CNTNAP2: variants seen among roughly 807,000 people sequenced by gnomAD.
CNTNAP2 encodes the protein contactin associated protein 2.
Under a neutral mutation model 155.2 loss-of-function variants are expected in CNTNAP2, and 98 were observed. The observed-to-expected ratio is 0.63, with a 90% CI of 0.54 to 0.75. The LOEUF (loss-of-function observed/expected upper bound fraction) is 0.75. Ranked by LOEUF, CNTNAP2 falls within the 30% of genes least tolerant of loss-of-function variation. The probability of loss-of-function intolerance (pLI) is 0.00; values close to 1 mark genes in which losing one functional copy is unlikely to be tolerated. For missense variants in CNTNAP2, 1,727 were observed against 1,688.1 expected (o/e 1.02, Z -0.40); for synonymous variants, 651 against 631.2 (o/e 1.03, Z -0.47).
At chr7:148,310,610 C>T (rs1032260769) in intron 21 of CNTNAP2, among the ~76,000 whole-genome samples, 4 of 152,060 alleles carry the variant, frequency 2.6e-5, no homozygotes, top group African/African-American at 9.7e-5. Context: ...GGGAGCTCTT[C>T]GGTCCTATTT....
At chr7:147,401,905 T>G (rs1796920555) in intron 10 of CNTNAP2, among the ~76,000 whole-genome samples, 1 of 152,058 alleles carries the variant, frequency 6.6e-6, no homozygotes, top group African/African-American at 2.4e-5. Flanking sequence ...AATTATCCAG[T>G]CTCAAGCAGT....
intron 3 of CNTNAP2, among the ~76,000 whole-genome samples, chr7:146,992,585 G>T (rs1315209822): frequency 6.6e-6 from 1 of 152,050 alleles, no homozygotes; most frequent in African/African-American, 2.4e-5. Context: ...CCTGCCCCCT[G>T]CAAATGGAAA....
chr7:147,473,991 A>G (rs1392574867), intron 10 of CNTNAP2, among the ~76,000 whole-genome samples: 1 of 152,134 alleles, frequency 6.6e-6, no homozygotes, highest in East Asian at 1.9e-4. Context: ...AGGCAGGAGA[A>G]TTACTTGAAC....
At chr7:147,815,059 G>T (rs1353902292) in intron 13 of CNTNAP2, among the ~76,000 whole-genome samples, 1 of 152,112 alleles carries the variant, frequency 6.6e-6, no homozygotes, top group African/African-American at 2.4e-5. Flanking sequence ...TATACACTGT[G>T]ATAACTCAGA....
At chr7:146,835,362 C>G (rs1435552517) in intron 2 of CNTNAP2, among the ~76,000 whole-genome samples, 2 of 152,110 alleles carry the variant, frequency 1.3e-5, no homozygotes, top group Non-Finnish European at 2.9e-5. Context: ...CTCAATCACT[C>G]TGTTGCTTTT....
chr7:148,380,081 ACGT>A lies in CNTNAP2; in HGVS notation c.3476-3567_3476-3565del, dbSNP rs1339746433. Among the ~76,000 whole-genome samples the A allele has an allele frequency of 6.1e-4, 93 of 152,342 alleles. 1 individual carries two copies. The highest frequency in any genetic ancestry group is 2.2e-3 in the African/African-American group (90 of 41,564). ...ATATCGTTATGAATATAAGACATTA[ACGT>A]ACTGATTGCCACTTGAGAATCTCAT... On this transcript the variant is annotated intron_variant, in intron 21 of 23. Coordinates refer to ENST00000361727, the MANE Select transcript of CNTNAP2 (RefSeq NM_014141.6).
chr7:146,233,177 T>A (rs1799414935), intron 1 of CNTNAP2, among the ~76,000 whole-genome samples: 1 of 151,504 alleles, frequency 6.6e-6, no homozygotes, highest in Non-Finnish European at 1.5e-5. Context: ...AAAAAAGTGT[T>A]TTTTTTTATT....
At chr7:146,928,242 T>C (rs2129221929) in intron 3 of CNTNAP2, among the ~76,000 whole-genome samples, 1 of 152,262 alleles carries the variant, frequency 6.6e-6, no homozygotes, top group East Asian at 1.9e-4. Context: ...ACCATAAATT[T>C]TGCAATAAAA....
intron 1 of CNTNAP2, among the ~76,000 whole-genome samples, chr7:146,754,610 C>T (rs1267275439): frequency 7.9e-5 from 12 of 151,030 alleles, no homozygotes; most frequent in Non-Finnish European, 1.8e-4. Context: ...AATAATAATA[C>T]TGACCTTGAC....
chr7:147,376,626 C>T (rs1796438636), intron 9 of CNTNAP2, among the ~76,000 whole-genome samples: 1 of 151,876 alleles, frequency 6.6e-6, no homozygotes, highest in Non-Finnish European at 1.5e-5. Flanking sequence ...GTTCTCTGTG[C>T]TTCAGAGTGT....
chr7:147,767,294 T>C (rs1290785227), intron 13 of CNTNAP2, among the ~76,000 whole-genome samples: 1 of 151,998 alleles, frequency 6.6e-6, no homozygotes, highest in Admixed American at 6.6e-5. Context: ...CAAACGCTTC[T>C]CAGACTTGCA....
At chr7:147,845,001 A>G (rs1798804032) in intron 13 of CNTNAP2, among the ~76,000 whole-genome samples, 3 of 136,180 alleles carry the variant, frequency 2.2e-5, no homozygotes, top group Non-Finnish European at 4.8e-5. Flanking sequence ...GTTTGCCAGT[A>G]TTTTATTGAG....
At chr7:147,156,115 G>A (rs1252094503) in intron 8 of CNTNAP2, among the ~76,000 whole-genome samples, 1 of 152,114 alleles carries the variant, frequency 6.6e-6, no homozygotes, top group African/African-American at 2.4e-5. Context: ...TGCAGAGCCA[G>A]CTGGTAAAGG....
intron 15 of CNTNAP2, among the ~76,000 whole-genome samples, chr7:148,101,290 A>G (rs533863096): frequency 6.7e-6 from 1 of 148,200 alleles, no homozygotes; most frequent in East Asian, 1.9e-4. Flanking sequence ...TTATAATAAT[A>G]AAATTAAAAA....
chr7:146,528,541 C>T (rs182015274), intron 1 of CNTNAP2, among the ~76,000 whole-genome samples: 2 of 152,072 alleles, frequency 1.3e-5, no homozygotes, highest in East Asian at 1.9e-4. Flanking sequence ...TGAAATAGGC[C>T]TAAAGACTAA....
At chr7:146,974,056 G>A (rs1022165356) in intron 3 of CNTNAP2, among the ~76,000 whole-genome samples, 31 of 152,122 alleles carry the variant, frequency 2.0e-4, no homozygotes, top group African/African-American at 4.8e-4. Context: ...CACTTTTACC[G>A]GATGCTGGGG....
chr7:146,611,307 T>C (rs1043406650), intron 1 of CNTNAP2, among the ~76,000 whole-genome samples: 1 of 152,114 alleles, frequency 6.6e-6, no homozygotes, highest in African/African-American at 2.4e-5. Context: ...CCCAGTCTAT[T>C]CTCAAGCCCC....
chr7:146,954,598 AT>A (rs890417208), intron 3 of CNTNAP2, among the ~76,000 whole-genome samples: 13 of 151,072 alleles, frequency 8.6e-5, no homozygotes, highest in Admixed American at 3.3e-4. Context: ...ACTTTTAAAT[AT>A]TTTTTTTCCC....
intron 3 of CNTNAP2, among the ~76,000 whole-genome samples, chr7:146,947,361 C>A (rs1276859124): frequency 6.8e-6 from 1 of 147,722 alleles, no homozygotes; most frequent in Non-Finnish European, 1.5e-5. Context: ...TTTGTGAACA[C>A]CCCTATCAAG....
Sources: allele counts gnomAD v4.1 joint callset (sites outside exome capture counted in the v4.1 genomes callset), GRCh38; gene constraint gnomAD v4.1.1; transcripts MANE v1.5; gene names NCBI Gene and HGNC (gene_info 2026-07-23, HGNC 2026-07-21).